The following COL9A1 variants were observed in gnomAD, a reference collection of about 807,000 sequenced individuals.
COL9A1 encodes collagen alpha-1(IX) chain.
COL9A1 carries 104 observed loss-of-function variants against 142.6 expected under a neutral mutation model. The ratio of observed to expected loss-of-function variants is 0.73; its 90% confidence interval spans 0.62 to 0.86. COL9A1 has a LOEUF of 0.86. Ranked by LOEUF, COL9A1 falls within the 40% of genes least tolerant of loss-of-function variation. COL9A1 has a pLI of 0.00. For synonymous variants in COL9A1, 466 were observed against 396.0 expected, an observed-to-expected ratio of 1.18 and a Z score of -2.10; for missense variants, 1,210 against 1,176.6, an observed-to-expected ratio of 1.03 and a Z score of -0.42.
At chr6:70,231,244 C>T (rs143720636) in intron 36 of COL9A1, among the ~76,000 whole-genome samples, 18 of 152,248 alleles carry the variant, frequency 1.2e-4, no homozygotes, top group Admixed American at 8.5e-4. Context: ...ATGATCCACC[C>T]GCTTTTGCAC....
chr6:70,265,992 CAACTT>C (rs1771984881), intron 18 of COL9A1, among the ~76,000 whole-genome samples: 1 of 152,062 alleles, frequency 6.6e-6, no homozygotes, highest in African/African-American at 2.4e-5. Context: ...TTAATAAGAA[CAACTT>C]AACTTTGTAA....
intron 10 of COL9A1, among the ~76,000 whole-genome samples, chr6:70,277,439 T>A (rs978535559): frequency 2.7e-4 from 41 of 152,096 alleles, no homozygotes; most frequent in Non-Finnish European, 1.2e-4. Context: ...CAAAATCCAG[T>A]TTGCAGTAAG....
intron 8 of COL9A1, among the ~76,000 whole-genome samples, 156 bp from the exon 9 acceptor site, chr6:70,281,195 C>CCCTCCAAAAATCCCCGGGTTCCTAGG (rs1331175283): frequency 5.3e-5 from 8 of 151,900 alleles, no homozygotes; most frequent in Non-Finnish European, 8.8e-5. Context: ...AGACACCTCT[C>CCCTCCAAAAATCCCCGGGTTCCTAGG]CCTCCAAAAA....
intron 36 of COL9A1, among the ~76,000 whole-genome samples, chr6:70,232,061 G>A (rs1204600837): frequency 7.0e-6 from 1 of 142,472 alleles, no homozygotes; most frequent in Admixed American, 6.8e-5. Flanking sequence ...GTACTTCAGA[G>A]CTGAAAAAAA....
chr6:70,250,630 T>C (rs1770881027), intron 28 of COL9A1, among the ~76,000 whole-genome samples: 1 of 152,198 alleles, frequency 6.6e-6, no homozygotes, highest in South Asian at 2.1e-4. Flanking sequence ...ACATTGCTTT[T>C]CTCAAGTATA....
At chr6:70,277,194 T>G (rs1772818345) in intron 10 of COL9A1, among the ~76,000 whole-genome samples, 1 of 152,152 alleles carries the variant, frequency 6.6e-6, no homozygotes, top group African/African-American at 2.4e-5. Flanking sequence ...TAAGAAAGAA[T>G]AAAATACTGT....
chr6:70,280,551 A>G (rs1157099783), intron 10 of COL9A1: 2 of 1,393,170 alleles, frequency 1.4e-6, no homozygotes, highest in East Asian at 2.7e-5. Flanking sequence ...GGTTAGAGAC[A>G]GGAAGCCAGT....
intron 2 of COL9A1, among the ~76,000 whole-genome samples, chr6:70,301,680 A>G (rs150619770): frequency 1.6e-4 from 24 of 152,276 alleles, no homozygotes; most frequent in African/African-American, 5.8e-4. Context: ...AGGTCCATCC[A>G]TCCATCAGTC....
intron 29 of COL9A1, chr6:70,242,276 T>C: frequency 1.7e-6 from 1 of 591,614 alleles, no homozygotes; most frequent in East Asian, 3.0e-5. Flanking sequence ...TTGGCAACAG[T>C]AGGCTTTTTC....
chr6:70,243,836 T>G (rs1336786034), intron 28 of COL9A1, among the ~76,000 whole-genome samples: 1 of 152,202 alleles, frequency 6.6e-6, no homozygotes, highest in East Asian at 1.9e-4. Context: ...CTAGCTCATT[T>G]TATTTCTAAT....
rs1414945380 is a variant in COL9A1, at chr6:70,252,162, C to A, written c.1830G>T (p.Gly610=). 5.0e-6 allele frequency: 8 copies of A among 1,614,110 alleles called. No homozygotes were observed. Among genetic ancestry groups the A allele is most frequent in the South Asian group, 3.3e-5 (3 of 91,074 alleles). ...MGNSGKPGQQ[G]PPGEVGPRGP... Reference sequence around the variant, plus strand: ...CTCGGGGTCCCACCTCTCCTGGAGGCCCCTGTTGGCCCTGTTATCAGGAAG... The same window carrying A: ...CTCGGGGTCCCACCTCTCCTGGAGGACCCTGTTGGCCCTGTTATCAGGAAG... The change falls in exon 28 of 38, where the codon GGG becomes GGT. Residue 610 remains glycine, a synonymous_variant. Coordinates refer to ENST00000357250, the MANE Select transcript of COL9A1 (RefSeq NM_001851.6).
At chr6:70,291,259 G>A (rs1773648732) in intron 5 of COL9A1, among the ~76,000 whole-genome samples, 1 of 152,080 alleles carries the variant, frequency 6.6e-6, no homozygotes, top group African/African-American at 2.4e-5. Flanking sequence ...GCTTGAAAAG[G>A]GAAGAACTGA....
chr6:70,228,835 A>G (rs1373554465), intron 36 of COL9A1, among the ~76,000 whole-genome samples: 3 of 152,134 alleles, frequency 2.0e-5, no homozygotes, highest in East Asian at 3.8e-4. Flanking sequence ...TTCATCATCA[A>G]TATGGCCTTA....
chr6:70,297,977 C>T (rs1291096127), intron 4 of COL9A1, among the ~76,000 whole-genome samples: 2 of 152,164 alleles, frequency 1.3e-5, no homozygotes, highest in Admixed American at 6.5e-5. Flanking sequence ...CCACAAAGAT[C>T]CTGCTAATAG....
intron 18 of COL9A1, among the ~76,000 whole-genome samples, chr6:70,266,201 G>A (rs1198234886): frequency 6.6e-6 from 1 of 152,198 alleles, no homozygotes; most frequent in African/African-American, 2.4e-5. Context: ...AATAACGTAA[G>A]TTATTACTAA....
At chr6:70,257,018 C>T (rs1357295901) in intron 20 of COL9A1, among the ~76,000 whole-genome samples, 197 bp from the exon 21 acceptor site, 1 of 145,784 alleles carries the variant, frequency 6.9e-6, no homozygotes, top group African/African-American at 2.5e-5. Context: ...ACCAATTGTA[C>T]TTAAACACAA....
chr6:70,267,483 C>T (rs558861161), intron 17 of COL9A1, among the ~76,000 whole-genome samples: 45 of 152,078 alleles, frequency 3.0e-4, no homozygotes, highest in African/African-American at 1.1e-3. Flanking sequence ...CCACTATGCC[C>T]GGCTAATTTT....
In COL9A1 at chr6:70,216,998, G is replaced by A. The variant is rs2127544045; in HGVS notation, c.2665C>T (p.Pro889Ser). Reference sequence around the variant, plus strand: ...AGCCCAGGAGGTCCCGGGGGTCCAGGCACTCCAGGAATTCCTGCCACCCCT... The same window carrying A: ...AGCCCAGGAGGTCCCGGGGGTCCAGACACTCCAGGAATTCCTGCCACCCCT... Reference protein sequence around the residue: ...PPGVAGIPGVPGPPGPPGLPG... With the variant: ...PPGVAGIPGVSGPPGPPGLPG... Residue 889 changes from proline to serine, a missense_variant, in exon 38 of 38, where the codon CCT becomes TCT. By Grantham distance (74) the Pro-to-Ser change is moderately conservative. Coordinates refer to ENST00000357250, the MANE Select transcript of COL9A1 (RefSeq NM_001851.6). The A allele has an allele frequency of 6.2e-7, 1 of 1,614,092 alleles. No individual in the cohort carries two copies.
At chr6:70,231,791 T>C (rs3806072) in intron 36 of COL9A1, among the ~76,000 whole-genome samples, 6,549 of 151,884 alleles carry the variant, frequency 0.043, 252 homozygotes, top group East Asian at 0.11. Context: ...TGTCAGTCAC[T>C]CATCATGACA....
Sources: gnomAD v4.1 joint callset for allele counts (sites outside exome capture counted in the v4.1 genomes callset) on GRCh38, gnomAD v4.1.1 for gene constraint, MANE v1.5 for transcripts, NCBI Gene and HGNC (gene_info 2026-07-23, HGNC 2026-07-21) for gene names.